The following ETS1 variants were observed in gnomAD, a reference collection of about 807,000 sequenced individuals.
The protein encoded by ETS1 is protein C-ets-1.
ETS1 carries 15 observed loss-of-function variants against 58.6 expected under a neutral mutation model. The observed-to-expected ratio is 0.26, with a 90% CI of 0.17 to 0.39. The LOEUF (loss-of-function observed/expected upper bound fraction) is 0.39. ETS1 is among the 10% of genes least tolerant of loss of function. The probability of loss-of-function intolerance (pLI) is 1.00; values close to 1 mark genes in which losing one functional copy is unlikely to be tolerated. For missense variants in ETS1, 417 were observed against 610.5 expected, an observed-to-expected ratio of 0.68 and a Z score of 3.34; for synonymous variants, 214 against 218.2, an observed-to-expected ratio of 0.98 and a Z score of 0.17.
intron 3 of ETS1, among the ~76,000 whole-genome samples, chr11:128,539,946 G>A (rs1287467673): frequency 6.6e-6 from 1 of 152,310 alleles, no homozygotes; most frequent in Middle Eastern, 3.4e-3. Context: ...AGTAGCTGTT[G>A]AGGTGTGGAG....
intron 2 of ETS1, among the ~76,000 whole-genome samples, chr11:128,569,318 CTT>C (rs398018017): frequency 0.014 from 540 of 39,454 alleles, 8 homozygotes; most frequent in African/African-American, 0.054. Context: ...AGAGTTTCTT[CTT>C]TTTTTTTTTT....
At chr11:128,506,630 C>T (rs1009018604) in intron 3 of ETS1, among the ~76,000 whole-genome samples, 8 of 152,074 alleles carry the variant, frequency 5.3e-5, no homozygotes, top group Admixed American at 4.6e-4. Context: ...GCGCCCCTGG[C>T]AGTTGGTGGC....
intron 5 of ETS1, among the ~76,000 whole-genome samples, chr11:128,488,920 A>G (rs1862714973): frequency 6.6e-6 from 1 of 152,124 alleles, no homozygotes; most frequent in African/African-American, 2.4e-5. Context: ...GTGTATTAAG[A>G]TTGCAGAAAA....
At position 128,464,140 on chromosome 11, in the gene ETS1, TA is replaced by T. The variant is rs1683561996; in HGVS notation, c.1124-514del. Among the ~76,000 whole-genome samples the T allele has an allele frequency of 6.6e-6, 1 of 151,748 alleles. No individual in the cohort carries two copies. Among genetic ancestry groups the T allele is most frequent in the Non-Finnish European group, 1.5e-5 (1 of 67,976 alleles). Reference sequence around the variant, plus strand: ...AAGGATCACTATCCTCCGGCCCTCTTACAAGGAAATAGATGTTAAATATCTG... The same window carrying T: ...AAGGATCACTATCCTCCGGCCCTCTTCAAGGAAATAGATGTTAAATATCTG... On this transcript the variant is annotated intron_variant, in intron 8 of 9. Coordinates refer to ENST00000392668, the MANE Select transcript of ETS1 (RefSeq NM_001143820.2). This position sits in a 1 kb window ranked among gnomAD's most constrained non-coding sequence, Gnocchi z 4.1.
intron 8 of ETS1, 40 bp downstream of exon 8, chr11:128,480,151 G>A (rs149270563): frequency 1.1e-5 from 18 of 1,605,374 alleles, no homozygotes; most frequent in South Asian, 8.8e-5. Flanking sequence ...CCACAGAAAC[G>A]TGCAGATGGA....
chr11:128,563,697 G>A lies in ETS1; in HGVS notation c.70-7262C>T, dbSNP rs553598575. On this transcript the variant is annotated intron_variant, in intron 2 of 9. Transcript: ENST00000392668. ...ATAATGTGGGTCTGTGACATACAATGTGCCCTTGAACTGCATGAAAGGTCT... is the reference window on the plus strand; with the variant it reads ...ATAATGTGGGTCTGTGACATACAATATGCCCTTGAACTGCATGAAAGGTCT... Among the ~76,000 whole-genome samples, 3 of 152,310 alleles carry A rather than the reference G, an allele frequency of 2.0e-5. No individual in the cohort carries two copies. The South Asian group carries it at 6.2e-4, about 32-fold the overall frequency.
intron 2 of ETS1, chr11:128,571,727 T>TTAATAA (rs917867599): frequency 6.6e-6 from 1 of 151,660 alleles, no homozygotes; most frequent in South Asian, 2.1e-4. Flanking sequence ...CTGGGAAAAG[T>TTAATAA]TAATAATAAT....
At chr11:128,529,905 C>T (rs897859604) in intron 3 of ETS1, among the ~76,000 whole-genome samples, 3 of 152,170 alleles carry the variant, frequency 2.0e-5, no homozygotes, top group African/African-American at 2.4e-5. Flanking sequence ...ATGCATAGCA[C>T]TTTTTAAGTT....
At chr11:128,558,991 A>G (rs537782395) in intron 2 of ETS1, among the ~76,000 whole-genome samples, 1 of 152,174 alleles carries the variant, frequency 6.6e-6, no homozygotes, top group East Asian at 1.9e-4. Flanking sequence ...TGAGTGAGAA[A>G]ATTTTGATTC....
intron 1 of ETS1, among the ~76,000 whole-genome samples, chr11:128,585,186 GAAGGAAGGAA>G (rs1454187109): frequency 2.6e-4 from 5 of 19,564 alleles, no homozygotes; most frequent in African/African-American, 9.8e-4. Flanking sequence ...AAGAAAGAAA[GAAGGAAGGAA>G]AGAAAGAAAG....
At chr11:128,501,256 T>C (rs1863082668) in intron 3 of ETS1, among the ~76,000 whole-genome samples, 1 of 152,190 alleles carries the variant, frequency 6.6e-6, no homozygotes, top group South Asian at 2.1e-4. Flanking sequence ...GTGAACATCG[T>C]GCTTCTCAGA....
At chr11:128,468,658 G>A (rs886220342) in intron 8 of ETS1, among the ~76,000 whole-genome samples, 2 of 152,126 alleles carry the variant, frequency 1.3e-5, no homozygotes, top group African/African-American at 4.8e-5. Context: ...GGTCAACGCT[G>A]GGCAGGCACC....
intron 7 of ETS1, among the ~76,000 whole-genome samples, chr11:128,481,483 T>C (rs929714782): frequency 1.3e-5 from 2 of 151,690 alleles, no homozygotes; most frequent in Non-Finnish European, 2.9e-5. Flanking sequence ...CGAAAAAGGC[T>C]CGCAGGAATG....
chr11:128,584,983 AAAGAAAGGAAGG>A lies in ETS1; in HGVS notation c.-15+2493_-15+2504del, dbSNP rs1565420755. ...GAAAGAAAGAAAGAAAGAAAGAAAGAAAGAAAGGAAGGAAGGAAGGAAAGAAAGGAAAGAAAG... is the reference window on the plus strand; with the variant it reads ...GAAAGAAAGAAAGAAAGAAAGAAAGAAAGGAAGGAAAGAAAGGAAAGAAAG... On this transcript the variant is annotated intron_variant, in intron 1 of 9. Coordinates refer to ENST00000392668, the MANE Select transcript of ETS1 (RefSeq NM_001143820.2). Among the ~76,000 whole-genome samples the A allele has an allele frequency of 1.9e-3, 120 of 62,834 alleles. 11 individuals carry two copies. The highest frequency in any genetic ancestry group is 2.0e-3 in the Non-Finnish European group (67 of 34,180). The allele number at this position is 62,834 out of a possible 152,430, so 41.2% of individuals were successfully genotyped here. A position where few individuals can be genotyped will look rare whatever the true frequency, so the allele number is the denominator to read the frequency against.
intron 3 of ETS1, among the ~76,000 whole-genome samples, chr11:128,515,122 C>A (rs1863487523): frequency 6.6e-6 from 1 of 151,408 alleles, no homozygotes; most frequent in Non-Finnish European, 1.5e-5. Flanking sequence ...TTTTTTTGCC[C>A]CTTTTCAGCC....
At chr11:128,521,547 T>C (rs1490344041) in intron 3 of ETS1, among the ~76,000 whole-genome samples, 1 of 152,174 alleles carries the variant, frequency 6.6e-6, no homozygotes, top group East Asian at 1.9e-4. Context: ...TGATGTCCTC[T>C]GAGGCAGCGT....
At chr11:128,500,789 C>T (rs1451127677) in intron 3 of ETS1, among the ~76,000 whole-genome samples, 1 of 152,048 alleles carries the variant, frequency 6.6e-6, no homozygotes, top group Non-Finnish European at 1.5e-5. Context: ...GCGTGCACAC[C>T]CTGCTCCAGC....
intron 3 of ETS1, among the ~76,000 whole-genome samples, chr11:128,506,109 G>A (rs1285557217): frequency 6.6e-6 from 1 of 152,126 alleles, no homozygotes; most frequent in Non-Finnish European, 1.5e-5. Flanking sequence ...CATCCCAGCT[G>A]GACAGCATTC....
At chr11:128,574,820 T>G (rs1221251584) in intron 1 of ETS1, among the ~76,000 whole-genome samples, 1 of 152,250 alleles carries the variant, frequency 6.6e-6, no homozygotes, top group African/African-American at 2.4e-5. Flanking sequence ...TTTGATCTAC[T>G]TTGAGATCTT....
Sources: gnomAD v4.1 joint callset for allele counts (sites outside exome capture counted in the v4.1 genomes callset) on GRCh38, gnomAD v4.1.1 for gene constraint, Gnocchi (gnomAD v3.1) non-coding constraint, MANE v1.5 for transcripts, NCBI Gene and HGNC (gene_info 2026-07-23, HGNC 2026-07-21) for gene names.